SMAP2: variants seen among roughly 807,000 people sequenced by gnomAD.
The protein encoded by SMAP2 is stromal membrane-associated protein 2.
In SMAP2, 25 loss-of-function variants were observed where a neutral mutation model predicts 56.4. The ratio of observed to expected loss-of-function variants is 0.44; its 90% confidence interval spans 0.32 to 0.62. SMAP2 has a LOEUF of 0.62. Among genes scored for constraint, SMAP2 ranks in the 20% least tolerant of loss-of-function variants. The pLI is 0.04. For missense variants in SMAP2, 388 were observed against 545.6 expected, an observed-to-expected ratio of 0.71 and a Z score of 2.88; for synonymous variants, 157 against 181.7, an observed-to-expected ratio of 0.86 and a Z score of 1.09.
rs568010761 is a variant in SMAP2, at chr1:40,393,644, C to T, written c.104-13092C>T. ...CACTGCAACCTCCACCTCCCAGGTT[C>T]AAGCGATTCCCCTGCCTCAGCCTCC... is the stretch of plus-strand genomic sequence containing the variant. On this transcript the variant is annotated intron_variant, in intron 1 of 9. Coordinates refer to ENST00000372718, the MANE Select transcript of SMAP2 (RefSeq NM_022733.3). 30 of 719,394 alleles carry T rather than the reference C, an allele frequency of 4.2e-5. No homozygotes were observed. The African/African-American group carries it at 5.6e-4, about 13-fold the overall frequency. 44.6% of individuals were successfully genotyped at this position (719,394 alleles called of 1,614,324 possible).
chr1:40,418,110 T>C (rs1212438807), intron 9 of SMAP2, among the ~76,000 whole-genome samples: 1 of 152,184 alleles, frequency 6.6e-6, no homozygotes, highest in East Asian at 1.9e-4. Context: ...TTAAATGTCC[T>C]TAAACATTTG....
At chr1:40,406,995 T>A in intron 2 of SMAP2, 126 bp downstream of exon 2, 1 of 995,722 alleles carries the variant, frequency 1.0e-6, no homozygotes, top group Non-Finnish European at 1.4e-6. Context: ...ACACTTAACA[T>A]CAGATTCTTG....
chr1:40,348,678 C>T (rs563118255), intron 1 of SMAP2, among the ~76,000 whole-genome samples: 4 of 148,136 alleles, frequency 2.7e-5, no homozygotes, highest in Non-Finnish European at 4.4e-5. Context: ...CTCTGTCCCC[C>T]CTCAAAAAAA....
chr1:40,372,949 C>A (rs1303911120), upstream of SMAP2, among the ~76,000 whole-genome samples: 2 of 152,148 alleles, frequency 1.3e-5, no homozygotes, highest in East Asian at 1.9e-4. Context: ...AAAAGGACAG[C>A]CAATGAGAAA....
intron 1 of SMAP2, 148 bp from the exon 2 acceptor site, chr1:40,406,588 G>A: frequency 1.3e-6 from 1 of 767,010 alleles, no homozygotes; most frequent in Non-Finnish European, 2.0e-6. Flanking sequence ...GCTGACACAT[G>A]GAGGAATGAG....
At position 40,365,864 on chromosome 1, in the gene SMAP2, C is replaced by T. The variant is rs1306227229; in HGVS notation, c.55+3428C>T. 1.2e-3 allele frequency among the ~76,000 whole-genome samples: 178 copies of T among 151,564 alleles called. 1 individual carries two copies. Among genetic ancestry groups the T allele is most frequent in the African/African-American group, 3.9e-3 (159 of 41,264 alleles). The stretch of plus-strand genomic sequence containing the variant: ...AAAGCTGGATGGAGAATGACTTTGA[C>T]GAGCTGAGAGAAGAAGGCTTCAGAC... On this transcript the variant is annotated intron_variant, in intron 2 of 6. Transcript: ENST00000435168.
chr1:40,378,122 C>G (rs914195516), intron 1 of SMAP2, among the ~76,000 whole-genome samples: 2 of 152,044 alleles, frequency 1.3e-5, no homozygotes, highest in Admixed American at 1.3e-4. Context: ...TGAATATTTT[C>G]TTTCCTTTTT....
At chr1:40,360,647 A>G (rs887503486) in intron 1 of SMAP2, among the ~76,000 whole-genome samples, 8 of 152,160 alleles carry the variant, frequency 5.3e-5, no homozygotes, top group Non-Finnish European at 8.8e-5. Flanking sequence ...CCCCCATTCC[A>G]TAGCAACAGC....
chr1:40,364,223 G>T (rs1415425929), intron 2 of SMAP2, among the ~76,000 whole-genome samples: 1 of 152,008 alleles, frequency 6.6e-6, no homozygotes, highest in Non-Finnish European at 1.5e-5. Context: ...TTATTACTGT[G>T]GCTTCTCTAG....
intron 1 of SMAP2, among the ~76,000 whole-genome samples, chr1:40,403,493 A>C (rs1644856267): frequency 6.6e-6 from 1 of 152,184 alleles, no homozygotes; most frequent in South Asian, 2.1e-4. Context: ...CGACAGAGCG[A>C]GACTCTGTCT....
intron 9 of SMAP2, among the ~76,000 whole-genome samples, chr1:40,421,567 A>G (rs2124389080): frequency 1.3e-5 from 2 of 152,304 alleles, no homozygotes; most frequent in East Asian, 3.9e-4. Flanking sequence ...ACTGACAGTA[A>G]TAGCTGTGCT....
intron 1 of SMAP2, chr1:40,393,242 C>A: frequency 7.5e-7 from 1 of 1,333,070 alleles, no homozygotes; most frequent in Non-Finnish European, 9.9e-7. Flanking sequence ...GGGAGGATTG[C>A]TTGAGCATAG....
At chr1:40,416,454 C>T (rs1644988077) in intron 8 of SMAP2, 113 bp downstream of exon 8, 21 of 1,222,466 alleles carry the variant, frequency 1.7e-5, no homozygotes, top group Non-Finnish European at 1.8e-5. Context: ...ATGTCATACA[C>T]CAAACAAACC....
At chr1:40,354,627 G>A (rs752512593) in intron 1 of SMAP2, among the ~76,000 whole-genome samples, 2 of 151,932 alleles carry the variant, frequency 1.3e-5, no homozygotes, top group African/African-American at 2.4e-5. Context: ...GTGAGCCACC[G>A]TGCCCAGCCA....
At chr1:40,398,194 C>CTTCTATATGTAA (rs1330772574) in intron 1 of SMAP2, among the ~76,000 whole-genome samples, 5 of 151,950 alleles carry the variant, frequency 3.3e-5, no homozygotes, top group Admixed American at 2.0e-4. Context: ...TACATATAGT[C>CTTCTATATGTAA]TTCTAGATTT....
In SMAP2 at chr1:40,408,692, T is replaced by C. The variant is rs1249666686; in HGVS notation, c.277T>C (p.Tyr93His). Residue 93 changes from tyrosine to histidine, a missense_variant, in exon 3 of 10, where the codon TAT (tyrosine) becomes CAT (histidine). Tyr to His is a moderately conservative substitution (Grantham distance 83). Coordinates refer to ENST00000372718, the MANE Select transcript of SMAP2 (RefSeq NM_022733.3). This position sits in a 1 kb window ranked among gnomAD's most constrained non-coding sequence, Gnocchi z 4.3. ...EMGNGKANRL[Y>H]EAYLPETFRR... Reference sequence around the variant, plus strand: ...GGGAAATGGAAAGGCAAACCGACTTTATGAAGCCTATCTTCCTGAGACCTT... The same window carrying C: ...GGGAAATGGAAAGGCAAACCGACTTCATGAAGCCTATCTTCCTGAGACCTT... 6.2e-7 allele frequency: 1 copy of C among 1,614,038 alleles called. No individual in the cohort carries two copies.
intron 1 of SMAP2, among the ~76,000 whole-genome samples, chr1:40,376,071 C>T (rs1644538732): frequency 6.6e-6 from 1 of 152,196 alleles, no homozygotes; most frequent in Admixed American, 6.5e-5. Context: ...CTGCCTCAGC[C>T]TCCCGAGTAC....
chr1:40,414,323 G>T, intron 6 of SMAP2, 83 bp downstream of exon 6: 2 of 1,304,890 alleles, frequency 1.5e-6, no homozygotes, highest in Non-Finnish European at 2.2e-6. Context: ...TAGAGATGGG[G>T]TTCTCCAGTT....
At position 40,422,229 on chromosome 1, in the gene SMAP2, T is replaced by C; in HGVS notation, c.*128T>C. 3 of 1,335,564 alleles carry C rather than the reference T, an allele frequency of 2.2e-6. No homozygotes were observed. In the South Asian group the frequency reaches 4.2e-5, roughly 19 times the overall value. 82.7% of individuals were successfully genotyped at this position (1,335,564 alleles called of 1,614,324 possible). ...GTTTAGAAATTGCTCAATAAGTCAT[T>C]TGGGGTTTGGCATCCTGCCCAGCCA... On this transcript the variant is annotated 3_prime_UTR_variant, in exon 10 of 10. Coordinates refer to ENST00000372718, the MANE Select transcript of SMAP2 (RefSeq NM_022733.3).
Sources: allele counts gnomAD v4.1 joint callset (sites outside exome capture counted in the v4.1 genomes callset), GRCh38; gene constraint gnomAD v4.1.1; non-coding constraint Gnocchi (gnomAD v3.1); transcripts MANE v1.5; gene names NCBI Gene and HGNC (gene_info 2026-07-23, HGNC 2026-07-21).